The following PRTFDC1 variants were observed in gnomAD, a reference collection of about 807,000 sequenced individuals.
PRTFDC1 encodes phosphoribosyl transferase domain containing 1, also known as phosphoribosyltransferase domain-containing protein 1.
Under a neutral mutation model 34.6 loss-of-function variants are expected in PRTFDC1, and 38 were observed. The ratio of observed to expected loss-of-function variants is 1.10; its 90% CI spans 0.85 to 1.44. PRTFDC1 has a LOEUF of 1.44. PRTFDC1 is among the 40% of genes most tolerant of loss of function. The pLI is 0.00. For synonymous variants in PRTFDC1, 93 were observed against 98.1 expected, an observed-to-expected ratio of 0.95 and a Z score of 0.31; for missense variants, 270 against 283.0, an observed-to-expected ratio of 0.95 and a Z score of 0.33.
chr10:24,892,291 A>C (rs1848276303), intron 3 of PRTFDC1, among the ~76,000 whole-genome samples: 1 of 152,134 alleles, frequency 6.6e-6, no homozygotes, highest in African/African-American at 2.4e-5. Flanking sequence ...CTGACCTAGT[A>C]GTTGTATTTT....
intron 3 of PRTFDC1, among the ~76,000 whole-genome samples, chr10:24,920,791 T>C (rs1426858779): frequency 6.6e-6 from 1 of 152,188 alleles, no homozygotes; most frequent in Non-Finnish European, 1.5e-5. Flanking sequence ...TAACTATCCC[T>C]GAAAAAGTCT....
At chr10:24,895,709 A>ATATATATATATATC (rs1565269524) in intron 3 of PRTFDC1, among the ~76,000 whole-genome samples, 9 of 137,386 alleles carry the variant, frequency 6.6e-5, no homozygotes, top group South Asian at 2.3e-4. Context: ...ATATATATAT[A>ATATATATATATATC]TATATATATA....
intron 3 of PRTFDC1, among the ~76,000 whole-genome samples, chr10:24,910,207 GC>G (rs1277921778): frequency 6.6e-6 from 1 of 152,096 alleles, no homozygotes; most frequent in African/African-American, 2.4e-5. Flanking sequence ...AATGGTGGAA[GC>G]TGAAGATTCA....
At chr10:24,950,491 A>G (rs1445083021) in intron 1 of PRTFDC1, among the ~76,000 whole-genome samples, 1 of 152,140 alleles carries the variant, frequency 6.6e-6, no homozygotes, top group African/African-American at 2.4e-5. Flanking sequence ...CTTGTACTAT[A>G]TTTTAACCAT....
chr10:24,903,894 C>T (rs938622566), intron 3 of PRTFDC1, among the ~76,000 whole-genome samples: 36 of 151,706 alleles, frequency 2.4e-4, no homozygotes, highest in African/African-American at 8.2e-4. Context: ...TTGCTAACCT[C>T]CCCAGGCTGG....
chr10:24,908,440 G>C, intron 3 of PRTFDC1: 2 of 1,556,016 alleles, frequency 1.3e-6, no homozygotes, highest in Non-Finnish European at 1.7e-6. Context: ...CACAGCCAGG[G>C]CTTGAAGACA....
At chr10:24,881,483 A>G (rs144732149) in intron 3 of PRTFDC1, among the ~76,000 whole-genome samples, 36 of 152,288 alleles carry the variant, frequency 2.4e-4, no homozygotes, top group African/African-American at 7.9e-4. Context: ...CAGGGCATGG[A>G]GTGATCCTGA....
intron 3 of PRTFDC1, among the ~76,000 whole-genome samples, chr10:24,898,286 C>CAAA (rs34691185): frequency 0.079 from 5,897 of 74,992 alleles, 240 homozygotes; most frequent in East Asian, 0.25. Flanking sequence ...CCCGTCTCTA[C>CAAA]AAAAAAAAAA....
At chr10:24,865,756 G>A (rs543159617) in intron 4 of PRTFDC1, among the ~76,000 whole-genome samples, 66 of 152,292 alleles carry the variant, frequency 4.3e-4, no homozygotes, top group African/African-American at 1.3e-3. Flanking sequence ...ACACCACACC[G>A]TCTCATCTGC....
At chr10:24,918,452 A>C (rs888723719) in intron 3 of PRTFDC1, among the ~76,000 whole-genome samples, 3 of 151,996 alleles carry the variant, frequency 2.0e-5, no homozygotes, top group African/African-American at 7.2e-5. Context: ...GGGGTTTCAC[A>C]TTGTTGCTCA....
At chr10:24,871,161 C>G (rs1379383805) in intron 4 of PRTFDC1, among the ~76,000 whole-genome samples, 1 of 149,338 alleles carries the variant, frequency 6.7e-6, no homozygotes, top group Admixed American at 6.7e-5. Context: ...CTATTTTTTT[C>G]CCTACCCGGG....
intron 3 of PRTFDC1, among the ~76,000 whole-genome samples, chr10:24,894,626 A>G (rs117591348): frequency 0.015 from 2,279 of 152,318 alleles, 51 homozygotes; most frequent in East Asian, 0.1. Flanking sequence ...GCTCACAACC[A>G]GGTTCCTGCT....
chr10:24,921,330 A>G (rs553440262), intron 3 of PRTFDC1, among the ~76,000 whole-genome samples: 1 of 152,048 alleles, frequency 6.6e-6, no homozygotes, highest in East Asian at 1.9e-4. Context: ...CCTTCTAGCT[A>G]TCTTTCCTAA....
intron 3 of PRTFDC1, among the ~76,000 whole-genome samples, chr10:24,910,556 A>G (rs1216083345): frequency 2.0e-5 from 3 of 152,240 alleles, no homozygotes; most frequent in Non-Finnish European, 4.4e-5. Flanking sequence ...GGCTGTCACT[A>G]TAAGAGCAAG....
intron 3 of PRTFDC1, among the ~76,000 whole-genome samples, chr10:24,873,603 T>C (rs867997822): frequency 6.6e-6 from 1 of 152,174 alleles, no homozygotes; most frequent in Non-Finnish European, 1.5e-5. Flanking sequence ...TTCCACATGG[T>C]TCAGGTAGGG....
chr10:24,905,565 G>A (rs917366995), intron 3 of PRTFDC1, among the ~76,000 whole-genome samples: 5 of 151,726 alleles, frequency 3.3e-5, no homozygotes, highest in African/African-American at 4.8e-5. Context: ...CACCTGCCTC[G>A]GCCTCCCAAA....
chr10:24,914,689 C>G (rs1445478344), intron 3 of PRTFDC1, among the ~76,000 whole-genome samples: 1 of 152,194 alleles, frequency 6.6e-6, no homozygotes, highest in Non-Finnish European at 1.5e-5. Context: ...GACCTCTGCT[C>G]TGTTTCTTCC....
chr10:24,862,578 T>C (rs1164707753), intron 4 of PRTFDC1, among the ~76,000 whole-genome samples: 2 of 152,152 alleles, frequency 1.3e-5, no homozygotes, highest in Admixed American at 6.5e-5. Context: ...TTTCACCATG[T>C]TGGCCAGGCT....
At chr10:24,895,782 G>C (rs1440527278) in intron 3 of PRTFDC1, among the ~76,000 whole-genome samples, 2 of 132,308 alleles carry the variant, frequency 1.5e-5, no homozygotes, top group Non-Finnish European at 1.6e-5. Flanking sequence ...ATCTAGAGAG[G>C]GAGACTGATT....
Sources: gnomAD v4.1 joint callset for allele counts (sites outside exome capture counted in the v4.1 genomes callset) on GRCh38, gnomAD v4.1.1 for gene constraint, MANE v1.5 for transcripts, NCBI Gene and HGNC (gene_info 2026-07-23, HGNC 2026-07-21) for gene names.